ENPP2: variants seen among roughly 807,000 people sequenced by gnomAD.
ENPP2 encodes autotaxin.
ENPP2 carries 51 observed loss-of-function variants against 120.2 expected under a neutral mutation model. The observed-to-expected ratio is 0.42, with a 90% CI of 0.34 to 0.54. The LOEUF (loss-of-function observed/expected upper bound fraction) is 0.54, where lower values mean the gene tolerates loss of function less well. Among genes scored for constraint, ENPP2 ranks in the 20% least tolerant of loss-of-function variants. The pLI is 0.04. For missense variants in ENPP2, 920 were observed against 1,066.5 expected (o/e 0.86, Z 1.91); for synonymous variants, 365 against 366.4 (o/e 1.00, Z 0.04).
chr8:119,651,806 AT>A (rs1817635328), intron 1 of ENPP2, among the ~76,000 whole-genome samples: 1 of 152,220 alleles, frequency 6.6e-6, no homozygotes, highest in Admixed American at 6.5e-5. Flanking sequence ...CTCAGAGAGA[AT>A]GCTGGTCATT....
intron 3 of ENPP2, among the ~76,000 whole-genome samples, chr8:119,623,852 C>G (rs1816086205): frequency 6.6e-6 from 1 of 152,154 alleles, no homozygotes; most frequent in South Asian, 2.1e-4. Flanking sequence ...TCTCGAACTC[C>G]TGACTTCAAG....
chr8:119,657,475 T>C (rs1817799973), intron 1 of ENPP2, among the ~76,000 whole-genome samples: 1 of 152,216 alleles, frequency 6.6e-6, no homozygotes, highest in Non-Finnish European at 1.5e-5. Context: ...ATATCTGGCT[T>C]AGAAAGTGTT....
At chr8:119,583,335 A>G (rs1196455021) in intron 17 of ENPP2, among the ~76,000 whole-genome samples, 1 of 152,202 alleles carries the variant, frequency 6.6e-6, no homozygotes, top group Non-Finnish European at 1.5e-5. Flanking sequence ...GCACATAAAT[A>G]GCTGGCCAGG....
chr8:119,590,734 T>A, intron 12 of ENPP2, 104 bp from the exon 13 acceptor site: 1 of 767,326 alleles, frequency 1.3e-6, no homozygotes. Flanking sequence ...TAGTTTTTAG[T>A]AACTTAATGG....
chr8:119,659,341 GA>G (rs1422766816), intron 1 of ENPP2, among the ~76,000 whole-genome samples: 1 of 67,558 alleles, frequency 1.5e-5, no homozygotes, highest in African/African-American at 5.4e-5. Flanking sequence ...AAAAAAACCA[GA>G]GTTCTTAAGA....
chr8:119,586,439 A>G (rs534289016), intron 14 of ENPP2, 126 bp from the exon 15 acceptor site: 353 of 727,766 alleles, frequency 4.9e-4, no homozygotes, highest in Non-Finnish European at 6.4e-4. Context: ...AATAAATGAA[A>G]TTTATTTCTA....
At chr8:119,644,571 G>T (rs1817373743) in intron 1 of ENPP2, among the ~76,000 whole-genome samples, 1 of 119,866 alleles carries the variant, frequency 8.3e-6, no homozygotes, top group Non-Finnish European at 1.7e-5. Flanking sequence ...TTTCTGCTGT[G>T]ACTGGAGATT....
chr8:119,619,475 C>T (rs757727998), intron 4 of ENPP2, among the ~76,000 whole-genome samples, 171 bp from the exon 5 acceptor site: 8 of 150,018 alleles, frequency 5.3e-5, no homozygotes, highest in Non-Finnish European at 8.9e-5. Flanking sequence ...TTATAAAGTA[C>T]ACCCATACAT....
At chr8:119,595,739 C>T (rs1054848485) in intron 11 of ENPP2, 6 of 1,045,238 alleles carry the variant, frequency 5.7e-6, no homozygotes, top group Non-Finnish European at 7.2e-6. Flanking sequence ...GTCAATGCAC[C>T]AGAGTTTTTC....
At chr8:119,673,217 A>G in intron 1 of ENPP2, 1 of 1,513,178 alleles carries the variant, frequency 6.6e-7, no homozygotes, top group South Asian at 1.2e-5. Context: ...GAGCCCAAGC[A>G]ATGGAGGACG....
chr8:119,597,837 G>A (rs1478733607), intron 11 of ENPP2, among the ~76,000 whole-genome samples: 1 of 152,176 alleles, frequency 6.6e-6, no homozygotes, highest in East Asian at 1.9e-4. Flanking sequence ...AATAGCTTTT[G>A]AGAATCATTC....
intron 1 of ENPP2, among the ~76,000 whole-genome samples, chr8:119,666,939 A>C (rs527621783): frequency 7.2e-4 from 109 of 152,280 alleles, no homozygotes; most frequent in African/African-American, 2.6e-3. Context: ...TGCCTGGTCT[A>C]CTCTGAGAGC....
chr8:119,633,569 A>G (rs934199692), intron 2 of ENPP2, among the ~76,000 whole-genome samples: 5 of 152,074 alleles, frequency 3.3e-5, no homozygotes, highest in African/African-American at 1.2e-4. Flanking sequence ...GATGCTGCCC[A>G]GCTCTAGAGT....
At chr8:119,643,229 G>C (rs961495377), upstream of ENPP2, among the ~76,000 whole-genome samples, 3 of 152,196 alleles carry the variant, frequency 2.0e-5, no homozygotes, top group Admixed American at 6.5e-5. Context: ...CTGGACAACA[G>C]TCTTTGCAAA....
Position 119,576,446 on chromosome 8 carries a change from T to C in ENPP2, c.1780+3670A>G, listed in dbSNP as rs75963549. ...AGCCACTGACCGCACCCAGCTGTGT[T>C]TAAGTCATTTTCCTATCCAAACTAA... On this transcript the variant is annotated intron_variant, in intron 19 of 24. Coordinates refer to ENST00000075322, the MANE Select transcript of ENPP2 (RefSeq NM_001040092.3). Among the ~76,000 whole-genome samples, 862 of 152,310 alleles carry C rather than the reference T, an allele frequency of 5.7e-3. 7 individuals are homozygous for C. The highest frequency in any genetic ancestry group is 0.02 in the African/African-American group (821 of 41,570).
intron 15 of ENPP2, among the ~76,000 whole-genome samples, chr8:119,585,493 G>A (rs1813041090): frequency 6.6e-6 from 1 of 152,126 alleles, no homozygotes; most frequent in Non-Finnish European, 1.5e-5. Flanking sequence ...TTCAATTATT[G>A]AGATAGACAA....
intron 23 of ENPP2, among the ~76,000 whole-genome samples, chr8:119,563,913 C>A (rs990188586): frequency 6.6e-6 from 1 of 151,252 alleles, no homozygotes; most frequent in Non-Finnish European, 1.5e-5. Context: ...ATACTCTGGG[C>A]TGCTGATTGT....
chr8:119,649,512 A>AT (rs1310943139), intron 1 of ENPP2, among the ~76,000 whole-genome samples: 6 of 152,210 alleles, frequency 3.9e-5, no homozygotes, highest in Non-Finnish European at 8.8e-5. Context: ...CACACTAACC[A>AT]TTAGAGAGAA....
At chr8:119,656,963 C>T (rs763786820) in intron 1 of ENPP2, among the ~76,000 whole-genome samples, 1 of 151,680 alleles carries the variant, frequency 6.6e-6, no homozygotes, top group Non-Finnish European at 1.5e-5. Flanking sequence ...AGTCTCATTC[C>T]GTTGCCCAGG....
Sources: gnomAD v4.1 joint callset for allele counts (sites outside exome capture counted in the v4.1 genomes callset) on GRCh38, gnomAD v4.1.1 for gene constraint, MANE v1.5 for transcripts, NCBI Gene and HGNC (gene_info 2026-07-23, HGNC 2026-07-21) for gene names.